Variants in CNTNAP2 observed in about 807,000 individuals in gnomAD.
The protein encoded by CNTNAP2 is contactin associated protein 2.
A neutral mutation model predicts 155.2 loss-of-function variants in CNTNAP2; 98 were observed. That is an observed-to-expected ratio of 0.63 (90% CI 0.54 to 0.75). CNTNAP2 has a LOEUF of 0.75. Among genes scored for constraint, CNTNAP2 ranks in the 30% least tolerant of loss-of-function variants. The pLI, the probability that CNTNAP2 is intolerant of heterozygous loss-of-function variation, is 0.00. For missense variants in CNTNAP2, 1,727 were observed against 1,688.1 expected (o/e 1.02, Z -0.40); for synonymous variants, 651 against 631.2 (o/e 1.03, Z -0.47).
At chr7:146,943,392 T>C (rs2129226146) in intron 3 of CNTNAP2, among the ~76,000 whole-genome samples, 1 of 152,276 alleles carries the variant, frequency 6.6e-6, no homozygotes, top group East Asian at 1.9e-4. Context: ...CTAGGCAGGC[T>C]GAGGCAAGAG....
chr7:146,198,167 G>A (rs1406455646), intron 1 of CNTNAP2, among the ~76,000 whole-genome samples: 1 of 152,036 alleles, frequency 6.6e-6, no homozygotes, highest in Non-Finnish European at 1.5e-5. Context: ...ATTTGGGTGG[G>A]CACACAGGCA....
intron 8 of CNTNAP2, among the ~76,000 whole-genome samples, chr7:147,267,913 G>T (rs941114685): frequency 6.6e-6 from 1 of 152,176 alleles, no homozygotes; most frequent in Non-Finnish European, 1.5e-5. Context: ...CCCAAGGGAA[G>T]TCTGGAGTAG....
chr7:147,739,727 A>G (rs562396380), intron 13 of CNTNAP2, among the ~76,000 whole-genome samples: 1 of 152,212 alleles, frequency 6.6e-6, no homozygotes, highest in Non-Finnish European at 1.5e-5. Flanking sequence ...TCATACAGTA[A>G]AAGTCTATGC....
At chr7:146,188,405 T>C (rs1216837262) in intron 1 of CNTNAP2, among the ~76,000 whole-genome samples, 1 of 152,202 alleles carries the variant, frequency 6.6e-6, no homozygotes, top group Non-Finnish European at 1.5e-5. Context: ...ATGGAGAAAC[T>C]GATGCAGATA....
chr7:147,011,153 C>T (rs1319384919), intron 3 of CNTNAP2, among the ~76,000 whole-genome samples: 1 of 151,946 alleles, frequency 6.6e-6, no homozygotes, highest in Non-Finnish European at 1.5e-5. Context: ...ATGGCTTACA[C>T]CTGTACTCCC....
At chr7:147,802,130 C>T (rs1478203384) in intron 13 of CNTNAP2, among the ~76,000 whole-genome samples, 71 of 151,104 alleles carry the variant, frequency 4.7e-4, no homozygotes, top group Middle Eastern at 3.4e-3. Flanking sequence ...CTCCTCACCT[C>T]CCAGACGGGG....
chr7:146,939,738 G>C (rs1036328033), intron 3 of CNTNAP2, among the ~76,000 whole-genome samples: 2 of 152,102 alleles, frequency 1.3e-5, no homozygotes, highest in African/African-American at 2.4e-5. Flanking sequence ...AGACTTAGTA[G>C]ACAAAATGTT....
chr7:146,817,563 G>A (rs1281196141), intron 2 of CNTNAP2, among the ~76,000 whole-genome samples: 1 of 152,112 alleles, frequency 6.6e-6, no homozygotes, highest in Non-Finnish European at 1.5e-5. Flanking sequence ...AAAGCATGAT[G>A]CTGGCATCTG....
chr7:147,129,952 C>T lies in CNTNAP2; in HGVS notation c.1083+1116C>T, dbSNP rs529914431. Reference sequence around the variant, plus strand: ...AAATAATAATAGCTCCATTTATAGGCAACAGGTATTGTGCTAGGCAAGTCG... The same window carrying T: ...AAATAATAATAGCTCCATTTATAGGTAACAGGTATTGTGCTAGGCAAGTCG... On this transcript the variant is annotated intron_variant, in intron 7 of 23. Transcript: ENST00000361727. Among the ~76,000 whole-genome samples, 32 of 152,140 alleles carry T rather than the reference C, an allele frequency of 2.1e-4. No homozygotes were observed. The South Asian group carries it at 5.2e-3, about 25-fold the overall frequency.
Position 148,408,708 on chromosome 7 carries a change from A to G in CNTNAP2, c.3716-683A>G, listed in dbSNP as rs550516219. Among the ~76,000 whole-genome samples the G allele has an allele frequency of 2.6e-5, 4 of 152,342 alleles. No homozygotes were observed. The East Asian group carries it at 7.7e-4, about 29-fold the overall frequency. On this transcript the variant is annotated intron_variant, in intron 22 of 23. Coordinates refer to ENST00000361727, the MANE Select transcript of CNTNAP2 (RefSeq NM_014141.6). The stretch of plus-strand genomic sequence containing the variant: ...TGGATTAGGTCCTATGGATGACAGA[A>G]GATAGTCTGCCGACTTGCAGATGGA...
intron 15 of CNTNAP2, among the ~76,000 whole-genome samples, chr7:148,006,235 A>G (rs1432486107): frequency 1.3e-5 from 2 of 152,100 alleles, no homozygotes; most frequent in Non-Finnish European, 2.9e-5. Context: ...AGCGAAATAG[A>G]GAATATGAAA....
intron 18 of CNTNAP2, among the ~76,000 whole-genome samples, chr7:148,214,740 T>G (rs1186487473): frequency 1.3e-5 from 2 of 152,018 alleles, no homozygotes; most frequent in African/African-American, 4.8e-5. Flanking sequence ...CTGGCTAATT[T>G]TTGTATTTTT....
At chr7:147,064,353 C>G (rs1799739866) in intron 4 of CNTNAP2, among the ~76,000 whole-genome samples, 1 of 152,100 alleles carries the variant, frequency 6.6e-6, no homozygotes, top group African/African-American at 2.4e-5. Flanking sequence ...CAGGCACATG[C>G]TCTGTATATT....
At chr7:146,387,467 G>T (rs977384418) in intron 1 of CNTNAP2, among the ~76,000 whole-genome samples, 5 of 152,120 alleles carry the variant, frequency 3.3e-5, no homozygotes, top group African/African-American at 1.2e-4. Flanking sequence ...CTTCCGGATG[G>T]GTAGACCTTG....
chr7:147,399,197 G>T (rs1796872806), intron 10 of CNTNAP2, among the ~76,000 whole-genome samples: 1 of 152,120 alleles, frequency 6.6e-6, no homozygotes, highest in Non-Finnish European at 1.5e-5. Context: ...AAGCCCTCCA[G>T]ACTTGTAGGT....
chr7:147,834,371 A>G (rs1798601712), intron 13 of CNTNAP2, among the ~76,000 whole-genome samples: 1 of 152,148 alleles, frequency 6.6e-6, no homozygotes, highest in Admixed American at 6.5e-5. Context: ...AAAAAGGACT[A>G]TTGCTCTTTT....
At chr7:146,546,188 GA>G (rs1267568167) in intron 1 of CNTNAP2, among the ~76,000 whole-genome samples, 2 of 151,872 alleles carry the variant, frequency 1.3e-5, no homozygotes, top group African/African-American at 4.8e-5. Flanking sequence ...TTAGAGGGAA[GA>G]CTGATGTTGG....
chr7:146,248,119 G>C (rs891299382), intron 1 of CNTNAP2, among the ~76,000 whole-genome samples: 2 of 151,970 alleles, frequency 1.3e-5, no homozygotes, highest in African/African-American at 4.8e-5. Flanking sequence ...AGAGATATAA[G>C]AGGCTGGGGC....
intron 1 of CNTNAP2, among the ~76,000 whole-genome samples, chr7:146,538,104 T>C (rs942656117): frequency 1.3e-5 from 2 of 152,080 alleles, no homozygotes; most frequent in African/African-American, 2.4e-5. Flanking sequence ...TGAGAGACCA[T>C]GGTAGCCTAT....
Sources: allele counts gnomAD v4.1 joint callset (sites outside exome capture counted in the v4.1 genomes callset), GRCh38; gene constraint gnomAD v4.1.1; transcripts MANE v1.5; gene names NCBI Gene and HGNC (gene_info 2026-07-23, HGNC 2026-07-21).